ANKS1B: variants seen among roughly 807,000 people sequenced by gnomAD.
ANKS1B encodes the protein ankyrin repeat and sterile alpha motif domain-containing protein 1B.
ANKS1B carries 36 observed loss-of-function variants against 148.3 expected under a neutral mutation model. That is an observed-to-expected ratio of 0.24 (90% confidence interval 0.19 to 0.32). The LOEUF (loss-of-function observed/expected upper bound fraction) is 0.32, where lower values mean the gene tolerates loss of function less well. Ranked by LOEUF, ANKS1B falls within the 10% of genes least tolerant of loss-of-function variation. The probability of loss-of-function intolerance (pLI) is 1.00; values close to 1 mark genes in which losing one functional copy is unlikely to be tolerated. For missense variants in ANKS1B, 1,157 were observed against 1,542.6 expected, an observed-to-expected ratio of 0.75 and a Z score of 4.19; for synonymous variants, 542 against 560.8, an observed-to-expected ratio of 0.97 and a Z score of 0.47.
At chr12:99,106,426 A>G (rs2059236228) in intron 15 of ANKS1B, among the ~76,000 whole-genome samples, 1 of 152,242 alleles carries the variant, frequency 6.6e-6, no homozygotes, top group African/African-American at 2.4e-5. Flanking sequence ...GCCTACAGCC[A>G]TGTATTCTTC....
chr12:99,541,321 C>G (rs2097124068), intron 9 of ANKS1B, among the ~76,000 whole-genome samples: 1 of 152,048 alleles, frequency 6.6e-6, no homozygotes, highest in Non-Finnish European at 1.5e-5. Context: ...ACCATATAAA[C>G]ACATCACAAG....
intron 12 of ANKS1B, among the ~76,000 whole-genome samples, chr12:99,298,644 A>G (rs1455098825): frequency 6.6e-6 from 1 of 152,052 alleles, no homozygotes; most frequent in African/African-American, 2.4e-5. Flanking sequence ...AGGGACTTTT[A>G]TTTTCTTCAT....
intron 12 of ANKS1B, among the ~76,000 whole-genome samples, chr12:99,302,084 TA>T (rs1176284544): frequency 2.6e-5 from 4 of 152,126 alleles, no homozygotes; most frequent in African/African-American, 9.7e-5. Context: ...GTCTCTCTAT[TA>T]AGAAGAGGGT....
chr12:99,669,618 G>A (rs1445156607), intron 8 of ANKS1B, among the ~76,000 whole-genome samples: 2 of 151,966 alleles, frequency 1.3e-5, no homozygotes, highest in African/African-American at 4.8e-5. Context: ...GGATTTTTCT[G>A]TTTATGTATC....
At chr12:99,178,634 T>C (rs1205481926) in intron 14 of ANKS1B, among the ~76,000 whole-genome samples, 2 of 152,240 alleles carry the variant, frequency 1.3e-5, no homozygotes, top group Non-Finnish European at 2.9e-5. Flanking sequence ...CTTTTAAATG[T>C]TTGTTCCCTA....
chr12:99,342,514 T>G (rs1171047465), intron 12 of ANKS1B, among the ~76,000 whole-genome samples: 1 of 152,062 alleles, frequency 6.6e-6, no homozygotes, highest in Non-Finnish European at 1.5e-5. Flanking sequence ...AATAAAGGTG[T>G]GCAATCTCTA....
chr12:98,828,035 C>A (rs1350868464), intron 19 of ANKS1B, among the ~76,000 whole-genome samples: 1 of 152,148 alleles, frequency 6.6e-6, no homozygotes, highest in East Asian at 1.9e-4. Flanking sequence ...TACCTAGCAA[C>A]AGAGAAAGAT....
At chr12:99,782,608 C>T (rs2064470820) in intron 4 of ANKS1B, among the ~76,000 whole-genome samples, 1 of 152,108 alleles carries the variant, frequency 6.6e-6, no homozygotes, top group Admixed American at 6.5e-5. Flanking sequence ...GAGTATTTCA[C>T]CTTCTCTTAG....
intron 17 of ANKS1B, among the ~76,000 whole-genome samples, chr12:98,840,038 A>G (rs2099397155): frequency 6.6e-6 from 1 of 152,178 alleles, no homozygotes; most frequent in African/African-American, 2.4e-5. Context: ...ATACAACTCA[A>G]AGGTGATCTC....
intron 8 of ANKS1B, among the ~76,000 whole-genome samples, chr12:99,708,017 T>C (rs1246156827): frequency 4.6e-5 from 7 of 151,998 alleles, no homozygotes; most frequent in Non-Finnish European, 1.0e-4. Flanking sequence ...CTATAAGCAA[T>C]GCGGAGGTTA....
At chr12:99,812,558 C>CACACAG (rs1491407773) in intron 2 of ANKS1B, among the ~76,000 whole-genome samples, 9 of 73,708 alleles carry the variant, frequency 1.2e-4, no homozygotes, top group Middle Eastern at 7.8e-3. Flanking sequence ...CACACACACA[C>CACACAG]AGAGAGAGAG....
chr12:99,592,355 C>A (rs967985649), intron 9 of ANKS1B, among the ~76,000 whole-genome samples: 1 of 151,554 alleles, frequency 6.6e-6, no homozygotes, highest in East Asian at 1.9e-4. Flanking sequence ...CCTATCATGG[C>A]AAAGCACAAG....
rs75702247 is a variant in ANKS1B at position 99,971,576 on chromosome 12, G to T, written c.134+12528C>A. 1.8e-3 allele frequency among the ~76,000 whole-genome samples: 247 copies of T among 138,684 alleles called. 8 individuals carry two copies. In the East Asian group the frequency reaches 0.044, roughly 25 times the overall value. 91.0% of individuals were successfully genotyped at this position (138,684 alleles called of 152,430 possible). On this transcript the variant is annotated intron_variant, in intron 1 of 26. Coordinates refer to ENST00000683438, the MANE Select transcript of ANKS1B (RefSeq NM_001352186.2). The stretch of plus-strand genomic sequence containing the variant: ...ATTACTAACTAGAGGTACCAAACAA[G>T]AACCTAAAGTGACTAATAGTAATTC...
At chr12:98,902,109 C>T (rs1567685230) in intron 17 of ANKS1B, among the ~76,000 whole-genome samples, 1 of 152,200 alleles carries the variant, frequency 6.6e-6, no homozygotes, top group East Asian at 1.9e-4. Context: ...GGCAAGCAGG[C>T]TTGGAATCCA....
At chr12:99,118,806 T>C (rs2062018109) in intron 15 of ANKS1B, among the ~76,000 whole-genome samples, 1 of 152,158 alleles carries the variant, frequency 6.6e-6, no homozygotes, top group South Asian at 2.1e-4. Context: ...TTGACAAATA[T>C]TTGATTTGAA....
intron 17 of ANKS1B, among the ~76,000 whole-genome samples, chr12:98,959,904 A>G (rs750800898): frequency 6.6e-6 from 1 of 152,140 alleles, no homozygotes; most frequent in African/African-American, 2.4e-5. Flanking sequence ...TGTTTGTGGA[A>G]AGGGGAGGGA....
intron 17 of ANKS1B, among the ~76,000 whole-genome samples, chr12:99,000,643 T>C (rs1358990952): frequency 3.3e-5 from 5 of 152,190 alleles, no homozygotes; most frequent in Non-Finnish European, 5.9e-5. Context: ...TCTTAAAAAT[T>C]GTGTGCATAA....
intron 8 of ANKS1B, among the ~76,000 whole-genome samples, chr12:99,695,795 T>C (rs886346948): frequency 6.6e-6 from 1 of 152,030 alleles, no homozygotes; most frequent in Non-Finnish European, 1.5e-5. Context: ...AATACCCAGG[T>C]GATGGGTTGA....
chr12:99,501,820 A>G (rs1329876071), intron 10 of ANKS1B, among the ~76,000 whole-genome samples: 1 of 152,152 alleles, frequency 6.6e-6, no homozygotes, highest in East Asian at 1.9e-4. Context: ...ACCCTCGCCA[A>G]TGTTTTGGCT....
Sources: allele counts gnomAD v4.1 joint callset (sites outside exome capture counted in the v4.1 genomes callset), GRCh38; gene constraint gnomAD v4.1.1; transcripts MANE v1.5; gene names NCBI Gene and HGNC (gene_info 2026-07-23, HGNC 2026-07-21).